The following CTBS variants were observed in gnomAD, a reference collection of about 807,000 sequenced individuals.
The protein encoded by CTBS is chitobiase.
Under a neutral mutation model 44.3 loss-of-function variants are expected in CTBS, and 35 were observed. That is an observed-to-expected ratio of 0.79 (90% CI 0.60 to 1.05). The LOEUF (loss-of-function observed/expected upper bound fraction) is 1.05, where lower values mean the gene tolerates loss of function less well. Ranked by LOEUF, CTBS falls within the 50% of genes least tolerant of loss-of-function variation. The pLI is 0.00. For missense variants in CTBS, 458 were observed against 475.3 expected, an observed-to-expected ratio of 0.96 and a Z score of 0.34; for synonymous variants, 143 against 168.0, an observed-to-expected ratio of 0.85 and a Z score of 1.15.
At chr1:84,563,910 A>T in intron 4 of CTBS, 78 bp from the exon 5 acceptor site, 1 of 1,429,416 alleles carries the variant, frequency 7.0e-7, no homozygotes, top group African/African-American at 1.5e-5. Context: ...GCAACCGTTC[A>T]GAATCTGTTT....
In CTBS at chr1:84,551,170, CAGA is replaced by C. The variant is rs1684259763; in HGVS notation, c.*3826_*3828del. 1.0e-6 allele frequency: 1 copy of C among 985,056 alleles called. No homozygotes were observed. The highest frequency in any genetic ancestry group is 1.2e-6 in the Non-Finnish European group (1 of 829,778). The allele number at this position is 985,056 out of a possible 1,614,324, so 61.0% of individuals were successfully genotyped here. A position where few individuals can be genotyped will look rare whatever the true frequency, so the allele number is the denominator to read the frequency against. On this transcript the variant is annotated 3_prime_UTR_variant, in exon 7 of 7. Transcript: ENST00000370630. ...AAAAGCTTTTTTGTTGAACAGAAAACAGAAGATTATACATTTTCATACAAGTAC... is the reference window on the plus strand; with the variant it reads ...AAAAGCTTTTTTGTTGAACAGAAAACAGATTATACATTTTCATACAAGTAC...
chr1:84,552,514 T>G lies in CTBS; in HGVS notation c.*2485A>C, dbSNP rs1684305093. On this transcript the variant is annotated 3_prime_UTR_variant, in exon 7 of 7. Transcript: ENST00000370630. ...AGCCTCTAAAGGTCTCCATTTCAAC[T>G]GTAAAATGGGGATAAATACTAGTAT... is the stretch of plus-strand genomic sequence containing the variant. 1 of 152,124 alleles carries G rather than the reference T, an allele frequency of 6.6e-6. No homozygotes were observed. The highest frequency in any genetic ancestry group is 1.5e-5 in the Non-Finnish European group (1 of 68,040). The allele number at this position is 152,124 out of a possible 1,614,324, so 9.4% of individuals were successfully genotyped here. A position where few individuals can be genotyped will look rare whatever the true frequency, so the allele number is the denominator to read the frequency against.
At chr1:84,557,499 C>G (rs904040422) in intron 6 of CTBS, among the ~76,000 whole-genome samples, 3 of 138,366 alleles carry the variant, frequency 2.2e-5, no homozygotes, top group Admixed American at 7.8e-5. Context: ...TGCCACTGCA[C>G]TCCAGCCTGG....
intron 6 of CTBS, among the ~76,000 whole-genome samples, chr1:84,562,252 G>A (rs189122317): frequency 6.6e-6 from 1 of 152,268 alleles, no homozygotes; most frequent in East Asian, 1.9e-4. Context: ...GCACACATGT[G>A]CATCTGTGTG....
At position 84,551,207 on chromosome 1, in the gene CTBS, AG is replaced by A; in HGVS notation, c.*3791del. The A allele has an allele frequency of 1.0e-6, 1 of 985,316 alleles. No homozygotes were observed. The highest frequency in any genetic ancestry group is 1.2e-6 in the Non-Finnish European group (1 of 829,854). 61.0% of individuals were successfully genotyped at this position (985,316 alleles called of 1,614,324 possible). A position where few individuals can be genotyped will look rare whatever the true frequency, so the allele number is the denominator to read the frequency against. On this transcript the variant is annotated 3_prime_UTR_variant, in exon 7 of 7. Coordinates refer to ENST00000370630, the MANE Select transcript of CTBS (RefSeq NM_004388.3). ...CATTTTCATACAAGTACCCACAGCA[AG>A]GCAGGAAAATGAGAACGATAATTAT... is the stretch of plus-strand genomic sequence containing the variant.
At position 84,554,884 on chromosome 1, in the gene CTBS, CT is replaced by C. The variant is rs943518172; in HGVS notation, c.*114del. Reference sequence around the variant, plus strand: ...CAAACAATCAAAACATTTATTTATTCTTTTTTTTTAGTATACGGATAACAAA... The same window carrying C: ...CAAACAATCAAAACATTTATTTATTCTTTTTTTTAGTATACGGATAACAAA... On this transcript the variant is annotated 3_prime_UTR_variant, in exon 7 of 7. Transcript: ENST00000370630. 1,023 of 742,560 alleles carry C rather than the reference CT, an allele frequency of 1.4e-3. No individual in the cohort carries two copies. Among genetic ancestry groups the C allele is most frequent in the Non-Finnish European group, 1.7e-3 (783 of 472,440 alleles). The allele number at this position is 742,560 out of a possible 1,614,324, so 46.0% of individuals were successfully genotyped here.
Position 84,573,736 on chromosome 1 carries a change from T to C in CTBS, c.177+503A>G, listed in dbSNP as rs1647381024. On this transcript the variant is annotated intron_variant, in intron 1 of 6. Transcript: ENST00000370630. ...TTATGTAGATAGAAGGAAAATGTACTGAAAGCTATTTTTTTTACCACTCTT... is the reference window on the plus strand; with the variant it reads ...TTATGTAGATAGAAGGAAAATGTACCGAAAGCTATTTTTTTTACCACTCTT... 2.0e-5 allele frequency among the ~76,000 whole-genome samples: 3 copies of C among 152,220 alleles called. No homozygotes were observed. In the South Asian group the frequency reaches 6.2e-4, roughly 32 times the overall value.
At position 84,553,138 on chromosome 1, in the gene CTBS, A is replaced by C; in HGVS notation, c.*1861T>G. ...AATCTCAATTAGGTATGTTAATTTA[A>C]AACTTTTATTTGTAAAAAAATTTAA... is the stretch of plus-strand genomic sequence containing the variant. On this transcript the variant is annotated 3_prime_UTR_variant, in exon 7 of 7. Transcript: ENST00000370630. 7.2e-7 allele frequency: 1 copy of C among 1,391,100 alleles called. No homozygotes were observed. The highest frequency in any genetic ancestry group is 9.7e-7 in the Non-Finnish European group (1 of 1,034,860). 86.2% of individuals were successfully genotyped at this position (1,391,100 alleles called of 1,614,324 possible).
Position 84,550,567 on chromosome 1 carries a change from T to G in CTBS, c.*4432A>C. ...TTTTCCTAATCAGATTATTATAACA[T>G]TTATCTTGAAATAAAATATTTTGGT... On this transcript the variant is annotated 3_prime_UTR_variant, in exon 7 of 7. Coordinates refer to ENST00000370630, the MANE Select transcript of CTBS (RefSeq NM_004388.3). 1 of 1,463,250 alleles carries G rather than the reference T, an allele frequency of 6.8e-7. No homozygotes were observed. Among genetic ancestry groups the G allele is most frequent in the Non-Finnish European group, 9.1e-7 (1 of 1,102,086 alleles). 90.6% of individuals were successfully genotyped at this position (1,463,250 alleles called of 1,614,324 possible). A position where few individuals can be genotyped will look rare whatever the true frequency, so the allele number is the denominator to read the frequency against.
At chr1:84,559,551 G>A (rs1361442573) in intron 6 of CTBS, among the ~76,000 whole-genome samples, 1 of 152,116 alleles carries the variant, frequency 6.6e-6, no homozygotes, top group Non-Finnish European at 1.5e-5. Context: ...ACACCTAGGA[G>A]GCAGAGGTTG....
At position 84,569,934 on chromosome 1, in the gene CTBS, T is replaced by G; in HGVS notation, c.522A>C (p.Ser174=). Residue 174 remains serine, a synonymous_variant, in exon 3 of 7, where the codon TCA becomes TCC. Transcript: ENST00000370630. ...CAAAAAATAAATGAGTTTTTACCTG[T>G]GATCCCTCAATTTCACGATGGAAAG... ...TDSFHREIEG[S]QVTFDVAWSP... 1 of 1,610,078 alleles carries G rather than the reference T, an allele frequency of 6.2e-7. No homozygotes were observed. Among genetic ancestry groups the G allele is most frequent in the Non-Finnish European group, 8.5e-7 (1 of 1,179,148 alleles).
At chr1:84,573,030 G>A (rs1369059428) in intron 1 of CTBS, among the ~76,000 whole-genome samples, 8 of 152,054 alleles carry the variant, frequency 5.3e-5, no homozygotes, top group African/African-American at 1.9e-4. Flanking sequence ...CTCTACCACC[G>A]CGCTGGGCCT....
In CTBS at chr1:84,552,899, T is replaced by G; in HGVS notation, c.*2100A>C. On this transcript the variant is annotated 3_prime_UTR_variant, in exon 7 of 7. Coordinates refer to ENST00000370630, the MANE Select transcript of CTBS (RefSeq NM_004388.3). The stretch of plus-strand genomic sequence containing the variant: ...CTACACATTTACTGTAGTAATCCAG[T>G]GGGAGTTGAAAGCACTGAAGCCAAA... 1.6e-6 allele frequency: 1 copy of G among 608,778 alleles called. No homozygotes were observed. The allele number at this position is 608,778 out of a possible 1,614,324, so 37.7% of individuals were successfully genotyped here. A position where few individuals can be genotyped will look rare whatever the true frequency, so the allele number is the denominator to read the frequency against.
intron 3 of CTBS, among the ~76,000 whole-genome samples, chr1:84,568,349 G>A (rs1294043044): frequency 6.6e-6 from 1 of 152,184 alleles, no homozygotes; most frequent in Non-Finnish European, 1.5e-5. Context: ...AGGAGAAGGG[G>A]TATTGTGGCC....
rs374632148 is a variant in CTBS, at chr1:84,551,833, T to C, written c.*3166A>G. 4 of 152,254 alleles carry C rather than the reference T, an allele frequency of 2.6e-5. No homozygotes were observed. In the South Asian group the frequency reaches 8.3e-4, roughly 32 times the overall value. 9.4% of individuals were successfully genotyped at this position (152,254 alleles called of 1,614,324 possible). On this transcript the variant is annotated 3_prime_UTR_variant, in exon 7 of 7. Coordinates refer to ENST00000370630, the MANE Select transcript of CTBS (RefSeq NM_004388.3). ...ATATGTAAACTTGTACACTTAATAA[T>C]TGGGTAGGTAGGAAGGAGTAATAAA...
rs1472545827 is a variant in CTBS, at chr1:84,552,132, T to C, written c.*2867A>G. Reference sequence around the variant, plus strand: ...AACAGACATTATTTAAGAAGTTTTATTGATTTCTGAATGATCTCCCCAAAA... The same window carrying C: ...AACAGACATTATTTAAGAAGTTTTACTGATTTCTGAATGATCTCCCCAAAA... On this transcript the variant is annotated 3_prime_UTR_variant, in exon 7 of 7. Coordinates refer to ENST00000370630, the MANE Select transcript of CTBS (RefSeq NM_004388.3). 1.3e-5 allele frequency: 2 copies of C among 152,116 alleles called. No homozygotes were observed. Among genetic ancestry groups the C allele is most frequent in the Non-Finnish European group, 1.5e-5 (1 of 68,018 alleles). The allele number at this position is 152,116 out of a possible 1,614,324, so 9.4% of individuals were successfully genotyped here. A position where few individuals can be genotyped will look rare whatever the true frequency, so the allele number is the denominator to read the frequency against.
chr1:84,568,354 G>A (rs543679543), intron 3 of CTBS, among the ~76,000 whole-genome samples: 1 of 152,324 alleles, frequency 6.6e-6, no homozygotes, highest in African/African-American at 2.4e-5. Context: ...AAGGGGTATT[G>A]TGGCCTGTAT....
intron 1 of CTBS, chr1:84,574,007 C>CT (rs1647391864): frequency 7.2e-7 from 1 of 1,391,710 alleles, no homozygotes; most frequent in African/African-American, 1.5e-5. Flanking sequence ...GGTTTGAACT[C>CT]TCGCCTGCCT....
intron 1 of CTBS, 28 bp from the exon 2 acceptor site, chr1:84,570,748 T>C: frequency 6.2e-7 from 1 of 1,606,304 alleles, no homozygotes; most frequent in East Asian, 2.2e-5. Flanking sequence ...AGCACCATCA[T>C]TTAAACCAAG....
Sources: allele counts gnomAD v4.1 joint callset (sites outside exome capture counted in the v4.1 genomes callset), GRCh38; gene constraint gnomAD v4.1.1; transcripts MANE v1.5; gene names NCBI Gene and HGNC (gene_info 2026-07-23, HGNC 2026-07-21).